SETD1A: variants seen among roughly 807,000 people sequenced by gnomAD.
SETD1A encodes histone-lysine N-methyltransferase SETD1A.
SETD1A carries 29 observed loss-of-function variants against 149.9 expected under a neutral mutation model. That is an observed-to-expected ratio of 0.19 (90% CI 0.14 to 0.26). The LOEUF (loss-of-function observed/expected upper bound fraction) is 0.26. SETD1A is among the 10% of genes least tolerant of loss of function. The pLI, the probability that SETD1A is intolerant of heterozygous loss-of-function variation, is 1.00. For missense variants in SETD1A, 2,109 were observed against 2,353.1 expected (o/e 0.90, Z 2.15); for synonymous variants, 1,141 against 968.5 (o/e 1.18, Z -3.31).
rs1596672849 is a variant in SETD1A, at chr16:30,963,699, CAG to C, written c.639+146_639+147del. On this transcript the variant is annotated intron_variant, in intron 5 of 18. Transcript: ENST00000262519. ...AAGCTGCTGAGATGCTTTCAAAAGA[CAG>C]GGAACTAGGGGCCAGGCACAGTGGC... 28 of 939,900 alleles carry C rather than the reference CAG, an allele frequency of 3.0e-5. 1 individual carries two copies. The South Asian group carries it at 3.9e-4, about 13-fold the overall frequency. 58.2% of individuals were successfully genotyped at this position (939,900 alleles called of 1,614,324 possible). A position where few individuals can be genotyped will look rare whatever the true frequency, so the allele number is the denominator to read the frequency against.
intron 17 of SETD1A, 148 bp downstream of exon 17, chr16:30,981,328 C>A: frequency 1.0e-6 from 1 of 959,870 alleles, no homozygotes; most frequent in Non-Finnish European, 1.5e-6. Context: ...CCGGTGTGGT[C>A]AGCAGGTGTC....
intron 13 of SETD1A, among the ~76,000 whole-genome samples, chr16:30,975,932 G>C (rs2056279239): frequency 2.6e-5 from 4 of 152,144 alleles, no homozygotes; most frequent in Admixed American, 2.0e-4. Flanking sequence ...TGCCGGGAGA[G>C]AGGAATGCTT....
rs1220499465 is a variant in SETD1A at position 30,964,723 on chromosome 16, C to T, written c.981C>T (p.Ile327=). Residue 327 remains isoleucine, a synonymous_variant, in exon 7 of 19, where the codon ATC becomes ATT. Transcript: ENST00000262519. ...CCTCCACAACCGCCTCCACGGCCAT[C>T]GCCGCCACCACTGCAGCCACTGCCT... ...SSASTTASTA[I]AATTAATASS... The T allele has an allele frequency of 5.0e-6, 8 of 1,614,082 alleles. No homozygotes were observed. Among genetic ancestry groups the T allele is most frequent in the South Asian group, 1.1e-5 (1 of 91,090 alleles).
At chr16:30,965,574 T>G (rs781757320) in intron 7 of SETD1A, 27 bp from the exon 8 acceptor site, 31 of 1,606,736 alleles carry the variant, frequency 1.9e-5, no homozygotes, top group Non-Finnish European at 2.5e-5. Context: ...GGCAGAAGCC[T>G]TCTGTGACCC....
At chr16:30,981,224 A>T in intron 17 of SETD1A, 44 bp downstream of exon 17, 1 of 1,610,524 alleles carries the variant, frequency 6.2e-7, no homozygotes, top group Non-Finnish European at 8.5e-7. Flanking sequence ...TGATGCAACA[A>T]GACAGCATGG....
chr16:30,978,971 C>T (rs1049280701), intron 13 of SETD1A, among the ~76,000 whole-genome samples, 174 bp from the exon 14 acceptor site: 2 of 152,228 alleles, frequency 1.3e-5, no homozygotes, highest in African/African-American at 4.8e-5. Flanking sequence ...AACCCCCTCT[C>T]ATCAAGGGAG....
rs745848064 is a variant in SETD1A at position 30,980,826 on chromosome 16, C to T, written c.4669C>T (p.Leu1557=). 2 of 1,487,882 alleles carry T rather than the reference C, an allele frequency of 1.3e-6. No homozygotes were observed. The highest frequency in any genetic ancestry group is 1.4e-5 in the African/African-American group (1 of 69,120). 92.2% of individuals were successfully genotyped at this position (1,487,882 alleles called of 1,614,324 possible). ...TACCTCCGCCATCATGGACAGTGACCTGCTGAAACTCAACCAGCTCAAGGT... is the reference window on the plus strand; with the variant it reads ...TACCTCCGCCATCATGGACAGTGACTTGCTGAAACTCAACCAGCTCAAGGT... The part of the protein sequence containing the change: ...IGTSAIMDSD[L]LKLNQLKFRK... Residue 1557 remains leucine, a synonymous_variant, in exon 16 of 19, where the codon CTG becomes TTG. Coordinates refer to ENST00000262519, the MANE Select transcript of SETD1A (RefSeq NM_014712.3). The surrounding 1 kb of genome is among the most constrained non-coding windows in gnomAD (Gnocchi z 7.7).
At chr16:30,976,844 C>T (rs912364420) in intron 13 of SETD1A, among the ~76,000 whole-genome samples, 2 of 151,898 alleles carry the variant, frequency 1.3e-5, no homozygotes, top group African/African-American at 2.4e-5. Context: ...GCAGGCAGCC[C>T]CTTGGTGTCT....
chr16:30,983,788 G>A lies in SETD1A; in HGVS notation c.4950+16G>A. ...CTGCTGCACGGTGCGCCAGGGGCCA[G>A]CCGGGGCAGGAGTTGGGGGTCGGTG... On this transcript the variant is annotated intron_variant, in intron 18 of 18. Coordinates refer to ENST00000262519, the MANE Select transcript of SETD1A (RefSeq NM_014712.3). This position sits in a 1 kb window ranked among gnomAD's most constrained non-coding sequence, Gnocchi z 6.8. The A allele has an allele frequency of 6.2e-7, 1 of 1,613,424 alleles. No homozygotes were observed. The highest frequency in any genetic ancestry group is 2.2e-5 in the East Asian group (1 of 44,876).
chr16:30,977,374 C>A (rs899263579), intron 13 of SETD1A, among the ~76,000 whole-genome samples: 2 of 152,204 alleles, frequency 1.3e-5, no homozygotes, highest in African/African-American at 4.8e-5. Context: ...TGGGGCCTCG[C>A]CCCATGGACC....
At chr16:30,963,095 AT>A (rs2056076303) in intron 4 of SETD1A, among the ~76,000 whole-genome samples, 1 of 152,100 alleles carries the variant, frequency 6.6e-6, no homozygotes, top group Non-Finnish European at 1.5e-5. Flanking sequence ...TTGAATTCCA[AT>A]TTTTCCAATG....
intron 4 of SETD1A, 119 bp from the exon 5 acceptor site, chr16:30,963,314 C>A: frequency 1.0e-6 from 1 of 964,514 alleles, no homozygotes; most frequent in Non-Finnish European, 1.5e-6. Context: ...GAACTGAAAT[C>A]CTGAAACCCA....
At position 30,980,234 on chromosome 16, in the gene SETD1A, TC is replaced by T; in HGVS notation, c.4408+45del. On this transcript the variant is annotated intron_variant, in intron 14 of 18. Transcript: ENST00000262519. The surrounding 1 kb of genome is among the most constrained non-coding windows in gnomAD (Gnocchi z 7.7). ...GGCGGCCTTCCCCGGGCTTGGGTCC[TC>T]CCCCGACCCCTCCAGGCACCTGCAT... The T allele has an allele frequency of 6.5e-7, 1 of 1,549,848 alleles. No individual in the cohort carries two copies. Among genetic ancestry groups the T allele is most frequent in the Non-Finnish European group, 8.7e-7 (1 of 1,146,986 alleles).
chr16:30,977,118 G>A (rs575300904), intron 13 of SETD1A, among the ~76,000 whole-genome samples: 56 of 152,162 alleles, frequency 3.7e-4, no homozygotes, highest in Non-Finnish European at 6.5e-4. Context: ...GCTAATTTTT[G>A]TATTTTTAGT....
At chr16:30,978,290 A>AAT (rs1281766412) in intron 13 of SETD1A, among the ~76,000 whole-genome samples, 3 of 151,656 alleles carry the variant, frequency 2.0e-5, no homozygotes, top group Non-Finnish European at 4.4e-5. Context: ...AAAAAAAAAA[A>AAT]AGATAGGAAC....
chr16:30,964,533 C>T (rs1285633290), intron 6 of SETD1A, 79 bp from the exon 7 acceptor site: 3 of 1,554,440 alleles, frequency 1.9e-6, no homozygotes, highest in Non-Finnish European at 2.6e-6. Context: ...CATAGAGGGG[C>T]TTTGGGCCCT....
intron 17 of SETD1A, among the ~76,000 whole-genome samples, chr16:30,982,236 C>T (rs2056388383): frequency 6.6e-6 from 1 of 152,136 alleles, no homozygotes; most frequent in Non-Finnish European, 1.5e-5. Flanking sequence ...CGCGGTGGCT[C>T]ATGCCTGTAA....
At chr16:30,966,835 GA>G in intron 8 of SETD1A, 48 bp from the exon 9 acceptor site, 2 of 1,493,950 alleles carry the variant, frequency 1.3e-6, no homozygotes, top group Non-Finnish European at 1.8e-6. Flanking sequence ...AGGCAGGAGG[GA>G]ATGCCTGGGT....
At position 30,961,462 on chromosome 16, in the gene SETD1A, G is replaced by A; in HGVS notation, c.442G>A (p.Ala148Thr). The change falls in exon 4 of 19, where the codon GCC becomes ACC. Residue 148 changes from alanine to threonine, a missense_variant. Coordinates refer to ENST00000262519, the MANE Select transcript of SETD1A (RefSeq NM_014712.3). This position sits in a 1 kb window ranked among gnomAD's most constrained non-coding sequence, Gnocchi z 4.0. ...TGTGCTCTTCACCAGCACTCGGGGC[G>A]CCAAGGAAACGGTCAAAAACCTCCA... Reference protein sequence around the residue: ...ARVLFTSTRGAKETVKNLHLT... With the variant: ...ARVLFTSTRGTKETVKNLHLT... 6.2e-7 allele frequency: 1 copy of A among 1,614,104 alleles called. No individual in the cohort carries two copies. Among genetic ancestry groups the A allele is most frequent in the Non-Finnish European group, 8.5e-7 (1 of 1,179,996 alleles).
Sources: gnomAD v4.1 joint callset for allele counts (sites outside exome capture counted in the v4.1 genomes callset) on GRCh38, gnomAD v4.1.1 for gene constraint, Gnocchi (gnomAD v3.1) non-coding constraint, MANE v1.5 for transcripts, NCBI Gene and HGNC (gene_info 2026-07-23, HGNC 2026-07-21) for gene names.